Variants in MAPK10 observed in about 807,000 individuals in gnomAD.
The protein encoded by MAPK10 is mitogen-activated protein kinase 10.
In MAPK10, 25 loss-of-function variants were observed where a neutral mutation model predicts 59.3. The ratio of observed to expected loss-of-function variants is 0.42; its 90% CI spans 0.31 to 0.59. The LOEUF (loss-of-function observed/expected upper bound fraction) is 0.59, where lower values mean the gene tolerates loss of function less well. Ranked by LOEUF, MAPK10 falls within the 20% of genes least tolerant of loss-of-function variation. The probability of loss-of-function intolerance (pLI) is 0.15; values close to 1 mark genes in which losing one functional copy is unlikely to be tolerated. For synonymous variants in MAPK10, 190 were observed against 200.5 expected, an observed-to-expected ratio of 0.95 and a Z score of 0.44; for missense variants, 351 against 568.9, an observed-to-expected ratio of 0.62 and a Z score of 3.90.
In MAPK10 at chr4:86,199,412, TTGTTA is replaced by T. The variant is rs375645224; in HGVS notation, c.-6-5010_-6-5006del. Reference sequence around the variant, plus strand: ...TCAAATATGACAACATCTCTTTTTTTTGTTATGTTATACTTAATCCATTTATGAAA... The same window carrying T: ...TCAAATATGACAACATCTCTTTTTTTTGTTATACTTAATCCATTTATGAAA... On this transcript the variant is annotated intron_variant, in intron 2 of 13. Transcript: ENST00000641462. 2.8e-4 allele frequency among the ~76,000 whole-genome samples: 39 copies of T among 138,526 alleles called. No individual in the cohort carries two copies. In the Middle Eastern group the frequency reaches 0.011, roughly 38 times the overall value. The allele number at this position is 138,526 out of a possible 152,430, so 90.9% of individuals were successfully genotyped here.
chr4:86,547,772 C>T (rs529442149), intron 1 of MAPK10, among the ~76,000 whole-genome samples: 2 of 152,324 alleles, frequency 1.3e-5, no homozygotes, highest in South Asian at 4.1e-4. Context: ...CACCAATCAG[C>T]ACTCTGTATC....
chr4:86,107,194 G>T lies in MAPK10; in HGVS notation c.366+29C>A, dbSNP rs768100302. On this transcript the variant is annotated intron_variant, in intron 5 of 13. Transcript: ENST00000641462. ...TTTTCCAATCTTACAAACTCCCACT[G>T]CCAGAAGTTTAAAAATAACAAAACT... 40 of 1,583,080 alleles carry T rather than the reference G, an allele frequency of 2.5e-5. No homozygotes were observed. In the South Asian group the frequency reaches 4.3e-4, roughly 17 times the overall value.
chr4:86,490,452 C>A (rs1043038066), intron 1 of MAPK10, among the ~76,000 whole-genome samples: 8 of 152,218 alleles, frequency 5.3e-5, no homozygotes, highest in Non-Finnish European at 2.9e-5. Context: ...AATCCTACTA[C>A]TTTGAAAAGT....
chr4:86,545,702 G>A (rs1295073354), intron 1 of MAPK10, among the ~76,000 whole-genome samples: 1 of 152,146 alleles, frequency 6.6e-6, no homozygotes. Flanking sequence ...GAGAAGAGAG[G>A]TGTTAATGGA....
rs571565143 is a variant in MAPK10 at position 86,163,928 on chromosome 4, A to G, written c.67-4461T>C. ...ATAGCCATAGAATTTTGCAAAGAAA[A>G]ATGTCCCACATTATTGATCTTCTCC... On this transcript the variant is annotated intron_variant, in intron 3 of 13. Coordinates refer to ENST00000641462, the MANE Select transcript of MAPK10 (RefSeq NM_138982.4). 2.0e-5 allele frequency among the ~76,000 whole-genome samples: 3 copies of G among 152,212 alleles called. No homozygotes were observed. The East Asian group carries it at 5.8e-4, about 29-fold the overall frequency.
chr4:86,157,195 A>G (rs528588153), intron 4 of MAPK10, among the ~76,000 whole-genome samples: 1 of 152,106 alleles, frequency 6.6e-6, no homozygotes, highest in African/African-American at 2.4e-5. Flanking sequence ...CCCAATAACA[A>G]GTTTAAGGTA....
Position 86,499,913 on chromosome 4 carries a change from G to A in MAPK10, c.-263+93997C>T, listed in dbSNP as rs533799944. 8.5e-5 allele frequency among the ~76,000 whole-genome samples: 13 copies of A among 152,260 alleles called. 1 individual carries two copies. Among genetic ancestry groups the A allele is most frequent in the Admixed American group, 8.5e-4 (13 of 15,296 alleles). On this transcript the variant is annotated intron_variant, in intron 1 of 4. Transcript: ENST00000502302. ...GTCTGGGATCCCAGCAACCATCTTGGACCACGTGAAAACCTTGGGGATGGA... is the reference window on the plus strand; with the variant it reads ...GTCTGGGATCCCAGCAACCATCTTGAACCACGTGAAAACCTTGGGGATGGA...
intron 1 of MAPK10, among the ~76,000 whole-genome samples, chr4:86,437,257 T>C (rs993436121): frequency 6.6e-6 from 1 of 151,828 alleles, no homozygotes; most frequent in African/African-American, 2.4e-5. Flanking sequence ...AGATGTTTTA[T>C]GGATATTCTT....
chr4:86,034,380 A>G (rs187816570), intron 11 of MAPK10, among the ~76,000 whole-genome samples: 8 of 152,344 alleles, frequency 5.3e-5, no homozygotes, highest in Admixed American at 1.3e-4. Flanking sequence ...TTGATGGTTA[A>G]TTTCATATGA....
At chr4:86,399,827 A>C (rs1013266416) in intron 1 of MAPK10, 2 of 152,220 alleles carry the variant, frequency 1.3e-5, no homozygotes, top group African/African-American at 4.8e-5. Context: ...GAGAACATAG[A>C]GGAGGAAACA....
intron 3 of MAPK10, among the ~76,000 whole-genome samples, chr4:86,178,660 A>T (rs551643948): frequency 3.3e-5 from 5 of 152,284 alleles, no homozygotes; most frequent in African/African-American, 1.2e-4. Flanking sequence ...ATTATTCAAC[A>T]TAGTACTGGA....
intron 1 of MAPK10, among the ~76,000 whole-genome samples, chr4:86,473,458 C>T (rs1752817356): frequency 6.6e-6 from 1 of 152,056 alleles, no homozygotes; most frequent in Non-Finnish European, 1.5e-5. Context: ...ATTCTGGGAA[C>T]TAAAGGCAGA....
Position 86,045,398 on chromosome 4 carries a change from CT to C in MAPK10, c.1111-13968del, listed in dbSNP as rs533407280. ...CCCTCTACCATATGATATTACTCATCTTTGAATTCCACCTCCCTTAAATTCC... is the reference window on the plus strand; with the variant it reads ...CCCTCTACCATATGATATTACTCATCTTGAATTCCACCTCCCTTAAATTCC... On this transcript the variant is annotated intron_variant, in intron 11 of 13. Coordinates refer to ENST00000641462, the MANE Select transcript of MAPK10 (RefSeq NM_138982.4). Among the ~76,000 whole-genome samples, 164 of 152,208 alleles carry C rather than the reference CT, an allele frequency of 1.1e-3. 2 individuals are homozygous for C. Among genetic ancestry groups the C allele is most frequent in the Middle Eastern group, 6.8e-3 (2 of 294 alleles).
At chr4:86,258,484 A>G (rs2093847994) in intron 2 of MAPK10, among the ~76,000 whole-genome samples, 1 of 152,170 alleles carries the variant, frequency 6.6e-6, no homozygotes, top group Non-Finnish European at 1.5e-5. Context: ...TTAGGAATCC[A>G]TGTCCCCTCT....
intron 1 of MAPK10, among the ~76,000 whole-genome samples, chr4:86,388,788 G>A (rs570141969): frequency 6.6e-6 from 1 of 152,148 alleles, no homozygotes; most frequent in East Asian, 1.9e-4. Context: ...CATGATATTT[G>A]TTTCAAAAGG....
chr4:86,188,132 T>C (rs1319629229), intron 3 of MAPK10, among the ~76,000 whole-genome samples: 2 of 152,196 alleles, frequency 1.3e-5, no homozygotes, highest in Non-Finnish European at 2.9e-5. Context: ...GCATATTTTC[T>C]TTATCTAGTC....
intron 12 of MAPK10, 22 bp from the exon 13 acceptor site, chr4:86,029,296 T>C: frequency 6.7e-7 from 1 of 1,496,750 alleles, no homozygotes; most frequent in Non-Finnish European, 9.3e-7. Flanking sequence ...AGCTGTGTTA[T>C]TATAGAAAAC....
At chr4:86,424,459 G>T (rs1172500527) in intron 1 of MAPK10, among the ~76,000 whole-genome samples, 1 of 152,132 alleles carries the variant, frequency 6.6e-6, no homozygotes, top group African/African-American at 2.4e-5. Context: ...AAAGTGTTGG[G>T]AGATTACGGA....
chr4:86,287,956 G>A (rs2095081411), intron 2 of MAPK10, among the ~76,000 whole-genome samples: 1 of 152,096 alleles, frequency 6.6e-6, no homozygotes, highest in South Asian at 2.1e-4. Context: ...AGTCTTCTGA[G>A]GTTACCACTG....
Sources: gnomAD v4.1 joint callset for allele counts (sites outside exome capture counted in the v4.1 genomes callset) on GRCh38, gnomAD v4.1.1 for gene constraint, MANE v1.5 for transcripts, NCBI Gene and HGNC (gene_info 2026-07-23, HGNC 2026-07-21) for gene names.